The following PPP4R3B variants were observed in gnomAD, a reference collection of about 807,000 sequenced individuals.
The protein encoded by PPP4R3B is serine/threonine-protein phosphatase 4 regulatory subunit 3B.
In PPP4R3B, 52 loss-of-function variants were observed where a neutral mutation model predicts 95.4. The ratio of observed to expected loss-of-function variants is 0.54; its 90% CI spans 0.44 to 0.69. The LOEUF (loss-of-function observed/expected upper bound fraction) is 0.69. Ranked by LOEUF, PPP4R3B falls within the 30% of genes least tolerant of loss-of-function variation. The probability of loss-of-function intolerance (pLI) is 0.00; values close to 1 mark genes in which losing one functional copy is unlikely to be tolerated. For synonymous variants in PPP4R3B, 407 were observed against 343.9 expected, an observed-to-expected ratio of 1.18 and a Z score of -2.03; for missense variants, 1,003 against 1,005.9, an observed-to-expected ratio of 1.00 and a Z score of 0.04.
At chr2:55,614,624 G>A (rs1400343964) in intron 2 of PPP4R3B, 1 of 152,158 alleles carries the variant, frequency 6.6e-6, no homozygotes, top group African/African-American at 2.4e-5. Flanking sequence ...CTTCAGAATA[G>A]TGGTTACCTA....
chr2:55,615,634 T>C (rs1694786702), intron 1 of PPP4R3B, 128 bp from the exon 2 acceptor site: 3 of 580,334 alleles, frequency 5.2e-6, no homozygotes, highest in South Asian at 2.0e-5. Flanking sequence ...GGCGGGCAGA[T>C]CACGAGGTCA....
intron 4 of PPP4R3B, among the ~76,000 whole-genome samples, chr2:55,595,107 C>G (rs1208582828): frequency 1.3e-5 from 2 of 151,694 alleles, no homozygotes; most frequent in African/African-American, 4.8e-5. Context: ...TCACTGCAAC[C>G]TCCGCCTCTC....
At chr2:55,553,648 A>G (rs1377374608) in intron 16 of PPP4R3B, among the ~76,000 whole-genome samples, 1 of 151,378 alleles carries the variant, frequency 6.6e-6, no homozygotes, top group Non-Finnish European at 1.5e-5. Context: ...CCACTAACCT[A>G]CTTTGTTTCT....
At chr2:55,614,699 T>C (rs913975999) in intron 2 of PPP4R3B, 4 of 152,220 alleles carry the variant, frequency 2.6e-5, no homozygotes, top group East Asian at 1.9e-4. Flanking sequence ...ATCCATAATG[T>C]TCAATATTAC....
At chr2:55,562,833 G>A (rs1403854892) in intron 15 of PPP4R3B, among the ~76,000 whole-genome samples, 1 of 152,108 alleles carries the variant, frequency 6.6e-6, no homozygotes, top group Admixed American at 6.6e-5. Flanking sequence ...TTGTCTCCCT[G>A]TAGCTTCCAC....
At chr2:55,617,020 A>G (rs1695048620) in intron 1 of PPP4R3B, 124 bp downstream of exon 1, 1 of 1,124,950 alleles carries the variant, frequency 8.9e-7, no homozygotes, top group Non-Finnish European at 1.3e-6. Context: ...CGTACACAAG[A>G]GCCAGTTCAG....
intron 2 of PPP4R3B, chr2:55,614,717 T>G (rs1377016549): frequency 1.3e-5 from 2 of 152,198 alleles, no homozygotes; most frequent in African/African-American, 4.8e-5. Flanking sequence ...TACAAAAATA[T>G]TTGAAACAAA....
chr2:55,586,155 T>C (rs1311390374), intron 6 of PPP4R3B, among the ~76,000 whole-genome samples: 4 of 152,224 alleles, frequency 2.6e-5, no homozygotes, highest in Non-Finnish European at 4.4e-5. Flanking sequence ...CTATTATTTA[T>C]GTTAACATAT....
intron 1 of PPP4R3B, 30 bp downstream of exon 1, chr2:55,617,114 T>G (rs1365319644): frequency 6.3e-7 from 1 of 1,586,074 alleles, no homozygotes; most frequent in East Asian, 2.2e-5. Flanking sequence ...AGAGGCACTA[T>G]CCCCTATTCT....
intron 1 of PPP4R3B, 133 bp downstream of exon 1, chr2:55,617,011 G>T: frequency 9.8e-7 from 1 of 1,016,572 alleles, no homozygotes; most frequent in Non-Finnish European, 1.4e-6. Context: ...TGTTTTTGCC[G>T]TACACAAGAG....
At chr2:55,561,156 A>G (rs1686560578) in intron 15 of PPP4R3B, among the ~76,000 whole-genome samples, 1 of 151,974 alleles carries the variant, frequency 6.6e-6, no homozygotes, top group Non-Finnish European at 1.5e-5. Flanking sequence ...GAGCCAAGGT[A>G]CAGCTTGGGC....
intron 16 of PPP4R3B, among the ~76,000 whole-genome samples, chr2:55,550,953 A>G (rs1341114257): frequency 6.6e-6 from 1 of 152,176 alleles, no homozygotes; most frequent in Admixed American, 6.5e-5. Context: ...ACACATCTTA[A>G]GTCTGGATAT....
chr2:55,572,110 A>T (rs114782293), intron 12 of PPP4R3B, among the ~76,000 whole-genome samples: 1,801 of 152,340 alleles, frequency 0.012, 15 homozygotes, highest in Non-Finnish European at 0.019. Context: ...AAACACTCTC[A>T]TTTCAAAGTA....
intron 16 of PPP4R3B, 74 bp downstream of exon 16, chr2:55,558,701 A>AT: frequency 1.7e-6 from 2 of 1,211,600 alleles, no homozygotes. Flanking sequence ...GATTATCCAA[A>AT]TTTTTTTCAG....
chr2:55,567,000 T>C (rs1224003557), intron 13 of PPP4R3B, among the ~76,000 whole-genome samples: 2 of 152,206 alleles, frequency 1.3e-5, no homozygotes, highest in Non-Finnish European at 2.9e-5. Flanking sequence ...GCATGAGACC[T>C]TGTCTCAAAC....
chr2:55,566,664 T>C (rs1687331915), intron 13 of PPP4R3B, among the ~76,000 whole-genome samples: 1 of 152,194 alleles, frequency 6.6e-6, no homozygotes, highest in South Asian at 2.1e-4. Context: ...AAATCTGACT[T>C]GTAAGAAATA....
chr2:55,551,061 C>T (rs1685190927), intron 16 of PPP4R3B, among the ~76,000 whole-genome samples: 1 of 151,884 alleles, frequency 6.6e-6, no homozygotes, highest in Non-Finnish European at 1.5e-5. Context: ...AAAACAAAAA[C>T]AAAAACAAAA....
rs202070079 is a variant in PPP4R3B at position 55,578,264 on chromosome 2, G to A, written c.1547C>T (p.Ser516Phe). 1.3e-4 allele frequency: 197 copies of A among 1,475,846 alleles called. No individual in the cohort carries two copies. The highest frequency in any genetic ancestry group is 1.7e-4 in the Non-Finnish European group (194 of 1,110,520). 91.4% of individuals were successfully genotyped at this position (1,475,846 alleles called of 1,614,324 possible). Residue 516 changes from serine (S) to phenylalanine (F), a missense_variant, in exon 10 of 17, where the codon TCT becomes TTT. Physicochemically the swap from Ser to Phe is radical, Grantham distance 155. Around this residue, in one of 3 missense-constraint regions of PPP4R3B, gnomAD observed 695 missense variants for 686.2 expected, o/e 1.01. Coordinates refer to ENST00000616407, the MANE Select transcript of PPP4R3B (RefSeq NM_001122964.3). ...PSHSHSHSTP[S>F]SSISQDNIVG... ...CAGCATACCTTGAGAGATGGAGGAA[G>A]AGGGGGTAGAATGGGAATGGGAATG... is the stretch of plus-strand genomic sequence containing the variant.
intron 5 of PPP4R3B, among the ~76,000 whole-genome samples, chr2:55,587,521 T>G (rs1690310994): frequency 6.6e-6 from 1 of 152,150 alleles, no homozygotes; most frequent in Non-Finnish European, 1.5e-5. Flanking sequence ...GAGGCGGAGG[T>G]TGCAGTGAGT....
Sources: allele counts gnomAD v4.1 joint callset (sites outside exome capture counted in the v4.1 genomes callset), GRCh38; gene constraint gnomAD v4.1.1; regional missense constraint gnomAD v4.1.1; transcripts MANE v1.5; gene names NCBI Gene and HGNC (gene_info 2026-07-23, HGNC 2026-07-21).